Variants in CALN1 observed in about 807,000 individuals in gnomAD.
CALN1 encodes the protein calneuron 1, also known as calcium-binding protein 8.
In CALN1, 17 loss-of-function variants were observed where a neutral mutation model predicts 30.6. The ratio of observed to expected loss-of-function variants is 0.56; its 90% CI spans 0.38 to 0.83. CALN1 has a LOEUF of 0.83. Ranked by LOEUF, CALN1 falls within the 40% of genes least tolerant of loss-of-function variation. The pLI is 0.00. For synonymous variants in CALN1, 156 were observed against 131.4 expected (o/e 1.19, Z -1.28); for missense variants, 291 against 354.9 (o/e 0.82, Z 1.45).
intron 3 of CALN1, among the ~76,000 whole-genome samples, chr7:72,143,419 T>C (rs898730651): frequency 6.6e-6 from 1 of 152,018 alleles, no homozygotes; most frequent in African/African-American, 2.4e-5. Flanking sequence ...AAGAGAACTT[T>C]AGAGAAAAAA....
At chr7:72,354,665 G>A (rs1803120506) in intron 2 of CALN1, among the ~76,000 whole-genome samples, 2 of 152,114 alleles carry the variant, frequency 1.3e-5, no homozygotes, top group African/African-American at 2.4e-5. Flanking sequence ...TTTCACAAAG[G>A]TGCCAAATTA....
intron 1 of CALN1, among the ~76,000 whole-genome samples, chr7:72,441,317 G>A (rs116438059): frequency 0.016 from 2,389 of 151,870 alleles, 52 homozygotes; most frequent in African/African-American, 0.053. Flanking sequence ...GAGAATGAGG[G>A]CCAGGCACGG....
At chr7:71,959,404 C>T (rs1797125033) in intron 5 of CALN1, among the ~76,000 whole-genome samples, 1 of 152,192 alleles carries the variant, frequency 6.6e-6, no homozygotes, top group Non-Finnish European at 1.5e-5. Flanking sequence ...GGAAAACTTT[C>T]CTAAGATGGG....
intron 4 of CALN1, among the ~76,000 whole-genome samples, chr7:72,024,600 T>C (rs1327154601): frequency 2.0e-5 from 3 of 152,102 alleles, no homozygotes; most frequent in Non-Finnish European, 4.4e-5. Flanking sequence ...GGTTTCACCA[T>C]GTTGCCCAGG....
intron 5 of CALN1, among the ~76,000 whole-genome samples, chr7:71,851,817 CAAACA>C (rs1159538583): frequency 3.3e-5 from 5 of 152,092 alleles, no homozygotes; most frequent in Admixed American, 1.3e-4. Flanking sequence ...AGTGCACAAA[CAAACA>C]AATGTGTCTG....
At chr7:72,234,935 A>G (rs1209081139) in intron 3 of CALN1, among the ~76,000 whole-genome samples, 1 of 152,182 alleles carries the variant, frequency 6.6e-6, no homozygotes, top group Admixed American at 6.5e-5. Context: ...TTCCCAACAT[A>G]TTGATTAAAA....
At chr7:72,419,764 A>G (rs1807548524) in intron 1 of CALN1, among the ~76,000 whole-genome samples, 1 of 152,174 alleles carries the variant, frequency 6.6e-6, no homozygotes, top group African/African-American at 2.4e-5. Context: ...CTGAGCAGTG[A>G]GCAGAGAAGC....
At chr7:72,061,462 G>C (rs1803640409) in intron 4 of CALN1, among the ~76,000 whole-genome samples, 1 of 151,030 alleles carries the variant, frequency 6.6e-6, no homozygotes, top group South Asian at 2.1e-4. Flanking sequence ...TGGGAAAATA[G>C]AAAGTCTAGA....
At chr7:72,179,817 T>TA (rs1045902913) in intron 3 of CALN1, among the ~76,000 whole-genome samples, 2 of 152,132 alleles carry the variant, frequency 1.3e-5, no homozygotes, top group African/African-American at 2.4e-5. Context: ...GCACATCTAT[T>TA]AAAAAAATTA....
intron 1 of CALN1, among the ~76,000 whole-genome samples, chr7:72,423,869 G>C (rs1585713927): frequency 6.7e-6 from 1 of 148,784 alleles, no homozygotes; most frequent in African/African-American, 2.5e-5. Flanking sequence ...AAGAAAGAAG[G>C]AAGGGAGGGA....
chr7:71,960,199 AT>A (rs1325405808), intron 5 of CALN1, among the ~76,000 whole-genome samples: 1 of 151,406 alleles, frequency 6.6e-6, no homozygotes, highest in East Asian at 1.9e-4. Context: ...AAATAAAAAA[AT>A]AAAATAAAAG....
At chr7:72,363,852 A>G (rs1803713803) in intron 2 of CALN1, among the ~76,000 whole-genome samples, 1 of 148,802 alleles carries the variant, frequency 6.7e-6, no homozygotes, top group East Asian at 2.0e-4. Flanking sequence ...CTCTTGCCTC[A>G]GCCTCCCAAG....
intron 3 of CALN1, among the ~76,000 whole-genome samples, chr7:72,135,890 T>C (rs1021358626): frequency 2.0e-5 from 3 of 152,126 alleles, no homozygotes; most frequent in East Asian, 3.9e-4. Flanking sequence ...CCCAGCACTT[T>C]GGGAGGCCGA....
At chr7:72,214,464 G>C (rs1792628331) in intron 3 of CALN1, among the ~76,000 whole-genome samples, 1 of 151,908 alleles carries the variant, frequency 6.6e-6, no homozygotes, top group African/African-American at 2.4e-5. Flanking sequence ...GGGAGACAGA[G>C]CAGGACTCCA....
chr7:72,392,762 G>A (rs1486257864), intron 2 of CALN1, among the ~76,000 whole-genome samples: 1 of 151,920 alleles, frequency 6.6e-6, no homozygotes, highest in Non-Finnish European at 1.5e-5. Context: ...GATTGCTGGA[G>A]GCCAGAAGAA....
intron 5 of CALN1, among the ~76,000 whole-genome samples, chr7:71,995,141 T>C (rs2129528156): frequency 6.6e-6 from 1 of 152,234 alleles, no homozygotes; most frequent in Non-Finnish European, 1.5e-5. Context: ...TCTGAGCCAC[T>C]GCGCCTGGCG....
chr7:71,928,309 T>C (rs1584531814), intron 5 of CALN1, among the ~76,000 whole-genome samples: 2 of 152,202 alleles, frequency 1.3e-5, no homozygotes, highest in Non-Finnish European at 1.5e-5. Flanking sequence ...CTGGCATCTC[T>C]ACCTCCTTGG....
the CALN1 span, among the ~76,000 whole-genome samples, chr7:72,499,883 T>C: frequency 0.052 from 3,460 of 67,122 alleles, 554 homozygotes; most frequent in African/African-American, 0.11. Flanking sequence ...CTTTCTTTCT[T>C]TCTTTCTTTC....
the CALN1 span, among the ~76,000 whole-genome samples, chr7:72,488,525 G>A: frequency 3.9e-5 from 6 of 152,186 alleles, no homozygotes; most frequent in Non-Finnish European, 5.9e-5. Context: ...ATGGATACCA[G>A]AGAATCATTG....
Sources: gnomAD v4.1 joint callset for allele counts (sites outside exome capture counted in the v4.1 genomes callset) on GRCh38, gnomAD v4.1.1 for gene constraint, MANE v1.5 for transcripts, NCBI Gene and HGNC (gene_info 2026-07-23, HGNC 2026-07-21) for gene names.